TIAM2: variants seen among roughly 807,000 people sequenced by gnomAD.
The protein encoded by TIAM2 is TIAM Rac1 associated GEF 2, also known as rho guanine nucleotide exchange factor TIAM2.
In TIAM2, 80 loss-of-function variants were observed where a neutral mutation model predicts 152.9. That is an observed-to-expected ratio of 0.52 (90% CI 0.44 to 0.63). TIAM2 has a LOEUF of 0.63. Ranked by LOEUF, TIAM2 falls within the 30% of genes least tolerant of loss-of-function variation. The pLI is 0.00. For synonymous variants in TIAM2, 804 were observed against 838.0 expected (o/e 0.96, Z 0.70); for missense variants, 1,965 against 2,120.1 (o/e 0.93, Z 1.44).
At chr6:155,113,916 G>A (rs1284160479) in intron 2 of TIAM2, among the ~76,000 whole-genome samples, 1 of 149,596 alleles carries the variant, frequency 6.7e-6, no homozygotes, top group Non-Finnish European at 1.5e-5. Context: ...TATCCTCCCT[G>A]GGAAGCCTGA....
chr6:155,097,615 A>G (rs1281862714), intron 2 of TIAM2, among the ~76,000 whole-genome samples: 1 of 152,220 alleles, frequency 6.6e-6, no homozygotes. Context: ...TGCTGGGATT[A>G]CAGGTGTGAG....
intron 1 of TIAM2, among the ~76,000 whole-genome samples, chr6:155,050,295 G>T (rs1777289159): frequency 6.6e-6 from 1 of 152,062 alleles, no homozygotes; most frequent in Non-Finnish European, 1.5e-5. Flanking sequence ...CAAAGTGCTG[G>T]GATTACAGGT....
rs767903192 is a variant in TIAM2, at chr6:155,240,560, A to G, written c.3199A>G (p.Ser1067Gly). Residue 1067 changes from serine to glycine, a missense_variant, in exon 16 of 27, where the codon AGT becomes GGT. Ser to Gly is a moderately conservative substitution (Grantham distance 56). This residue lies in a region of TIAM2 where 935 missense variants were observed against 980.0 expected (regional missense o/e 0.95). Transcript: ENST00000682666. ...TGAGCAGATCACTGCACTGTGCAGG[A>G]GTTTTAACGACAGTCAGGCCAACGG... ...SAEQITALCR[S>G]FNDSQANGME... is the part of the protein sequence containing the mutation. 1 of 1,614,050 alleles carries G rather than the reference A, an allele frequency of 6.2e-7. No individual in the cohort carries two copies. The highest frequency in any genetic ancestry group is 1.1e-5 in the South Asian group (1 of 91,082).
At chr6:155,059,282 CTGTGTGTGTGTCTGTGTGTGTG>C (rs758749795) in intron 1 of TIAM2, among the ~76,000 whole-genome samples, 43,176 of 144,084 alleles carry the variant, frequency 0.3, 6,707 homozygotes, top group Admixed American at 0.38. Context: ...ATGTCCCTTT[CTGTGTGTGTGTCTGTGTGTGTG>C]TGTGTGTGTG....
chr6:155,042,505 A>G, intron 1 of TIAM2, among the ~76,000 whole-genome samples: 1 of 152,136 alleles, frequency 6.6e-6, no homozygotes, highest in East Asian at 1.9e-4. Context: ...AGGCCAGAGA[A>G]TCAATCACTT....
chr6:155,212,215 G>A (rs1433975800), intron 15 of TIAM2, among the ~76,000 whole-genome samples: 3 of 152,214 alleles, frequency 2.0e-5, no homozygotes, highest in African/African-American at 7.2e-5. Flanking sequence ...AGGCCAAGGA[G>A]TGGAATTGCC....
chr6:155,164,432 G>C lies in TIAM2; in HGVS notation c.2046G>C (p.Gln682His). 1.9e-6 allele frequency: 3 copies of C among 1,596,082 alleles called. No homozygotes were observed. Among genetic ancestry groups the C allele is most frequent in the Non-Finnish European group, 2.6e-6 (3 of 1,166,284 alleles). The change falls in exon 8 of 27, where the codon CAG (glutamine) becomes CAC (histidine). Residue 682 changes from glutamine to histidine, a missense_variant. Gln to His is a conservative substitution (Grantham distance 24). Transcript: ENST00000682666. Reference sequence around the variant, plus strand: ...GCTTTAAGATCCAGCAATGGGAGCAGAATCTTGAGAAATTTCACATGGATC... The same window carrying C: ...GCTTTAAGATCCAGCAATGGGAGCACAATCTTGAGAAATTTCACATGGATC... ...AIENQIQQWE[Q>H]NLEKFHMDLF... is the part of the protein sequence containing the mutation.
intron 2 of TIAM2, among the ~76,000 whole-genome samples, chr6:155,116,204 A>G (rs988365105): frequency 1.3e-5 from 2 of 152,246 alleles, no homozygotes; most frequent in Non-Finnish European, 2.9e-5. Flanking sequence ...AATTTAAACT[A>G]TACCAACTAG....
chr6:155,138,366 T>C (rs1004880718), intron 5 of TIAM2, among the ~76,000 whole-genome samples: 6 of 152,182 alleles, frequency 3.9e-5, no homozygotes, highest in Non-Finnish European at 7.4e-5. Flanking sequence ...ATCTGGATTA[T>C]TGATTTGTCA....
chr6:155,124,519 G>A (rs767503814), intron 2 of TIAM2, among the ~76,000 whole-genome samples: 16 of 151,788 alleles, frequency 1.1e-4, no homozygotes, highest in East Asian at 1.9e-4. Flanking sequence ...TAGTAGAGAC[G>A]GGGTTTCTCC....
intron 15 of TIAM2, among the ~76,000 whole-genome samples, chr6:155,217,729 T>C (rs1401890688): frequency 3.9e-5 from 6 of 152,236 alleles, no homozygotes; most frequent in South Asian, 2.1e-4. Flanking sequence ...ACAGAGAGCA[T>C]TGAGAATCTG....
chr6:155,147,646 C>T (rs999373238), intron 6 of TIAM2, among the ~76,000 whole-genome samples: 19 of 152,106 alleles, frequency 1.2e-4, no homozygotes, highest in African/African-American at 2.9e-4. Context: ...CCACCACGCC[C>T]GGCTAATTTT....
intron 1 of TIAM2, among the ~76,000 whole-genome samples, chr6:155,009,091 CTTTTTTTTTTT>C (rs61651734): frequency 3.3e-5 from 2 of 61,438 alleles, no homozygotes; most frequent in Non-Finnish European, 2.8e-5. Context: ...CTCAGAAGAT[CTTTTTTTTTTT>C]TTTTTTTTTT....
chr6:154,999,380 T>C (rs1335019300), intron 1 of TIAM2, among the ~76,000 whole-genome samples: 1 of 151,930 alleles, frequency 6.6e-6, no homozygotes, highest in African/African-American at 2.4e-5. Flanking sequence ...CTAATTTTTG[T>C]ATTTTTAGTA....
rs7771075 is a variant in TIAM2, at chr6:155,165,827, A to C, written c.2361+418A>C. Among the ~76,000 whole-genome samples the C allele has an allele frequency of 8.0e-5, 12 of 150,448 alleles. 1 individual carries two copies. Among genetic ancestry groups the C allele is most frequent in the East Asian group, 1.9e-4 (1 of 5,166 alleles). ...AAATAAAAGTTGATTCAAAGGAATCAACTCTTAGCATGCACTTTTTTTTTT... is the reference window on the plus strand; with the variant it reads ...AAATAAAAGTTGATTCAAAGGAATCCACTCTTAGCATGCACTTTTTTTTTT... On this transcript the variant is annotated intron_variant, in intron 9 of 26. Transcript: ENST00000682666.
chr6:155,042,865 T>C (rs759788610), intron 1 of TIAM2, among the ~76,000 whole-genome samples: 8 of 152,184 alleles, frequency 5.3e-5, no homozygotes, highest in Non-Finnish European at 8.8e-5. Flanking sequence ...CTCTTGAACT[T>C]ACTCCTCCCG....
chr6:155,173,336 T>C (rs1227715205), intron 9 of TIAM2, among the ~76,000 whole-genome samples: 2 of 152,202 alleles, frequency 1.3e-5, no homozygotes, highest in Non-Finnish European at 2.9e-5. Context: ...CACTAGATCT[T>C]GGGTCAACAG....
chr6:155,069,031 A>G (rs1777773263), intron 1 of TIAM2, among the ~76,000 whole-genome samples: 1 of 151,988 alleles, frequency 6.6e-6, no homozygotes, highest in Non-Finnish European at 1.5e-5. Context: ...TGATCCTCCC[A>G]TCTTAGCCTC....
At chr6:155,136,608 C>T (rs1012016408) in intron 4 of TIAM2, among the ~76,000 whole-genome samples, 3 of 152,132 alleles carry the variant, frequency 2.0e-5, no homozygotes, top group African/African-American at 4.8e-5. Flanking sequence ...AAATAAGATA[C>T]TAGAGATCTC....
Sources: allele counts gnomAD v4.1 joint callset (sites outside exome capture counted in the v4.1 genomes callset), GRCh38; gene constraint gnomAD v4.1.1; regional missense constraint gnomAD v4.1.1; transcripts MANE v1.5; gene names NCBI Gene and HGNC (gene_info 2026-07-23, HGNC 2026-07-21).